The following SNRPN variants were observed in gnomAD, a reference collection of about 807,000 sequenced individuals.
SNRPN encodes small nuclear ribonucleoprotein-associated protein N.
Under a neutral mutation model 25.2 loss-of-function variants are expected in SNRPN, and 7 were observed. The ratio of observed to expected loss-of-function variants is 0.28; its 90% CI spans 0.16 to 0.52. The LOEUF (loss-of-function observed/expected upper bound fraction) is 0.52. Ranked by LOEUF, SNRPN falls within the 20% of genes least tolerant of loss-of-function variation. The pLI is 0.96. For missense variants in SNRPN, 196 were observed against 322.5 expected, an observed-to-expected ratio of 0.61 and a Z score of 3.00; for synonymous variants, 124 against 110.6, an observed-to-expected ratio of 1.12 and a Z score of -0.76.
chr15:24,913,473 C>T (rs750416860), intron 2 of SNRPN, among the ~76,000 whole-genome samples: 4 of 151,804 alleles, frequency 2.6e-5, no homozygotes, highest in Non-Finnish European at 5.9e-5. Flanking sequence ...TGAAAGACCA[C>T]CTCTACTAAA....
At chr15:24,923,923 ATTTTTTTT>A (rs34575205) in intron 3 of SNRPN, among the ~76,000 whole-genome samples, 21 of 89,910 alleles carry the variant, frequency 2.3e-4, no homozygotes, top group African/African-American at 7.9e-4. Flanking sequence ...GTATATAAAC[ATTTTTTTT>A]TTTTTTTTTT....
chr15:24,826,747 C>T (rs779022552), intron 1 of SNRPN, among the ~76,000 whole-genome samples: 6 of 151,980 alleles, frequency 3.9e-5, no homozygotes, highest in Admixed American at 1.3e-4. Flanking sequence ...TCTGTGTCAA[C>T]AAATCAAATA....
chr15:24,940,748 CTG>C lies in SNRPN; in HGVS notation c.-391+20642_-391+20643del, dbSNP rs148306200. On this transcript the variant is annotated intron_variant, in intron 3 of 11. Coordinates refer to the SNRPN transcript ENST00000400097. ...GTCAGCAAATTTTCCTCTAAAGGAGCTGTGTGTGTGTGTGTGTGTTTGTGTGT... is the reference window on the plus strand; with the variant it reads ...GTCAGCAAATTTTCCTCTAAAGGAGCTGTGTGTGTGTGTGTGTTTGTGTGT... Among the ~76,000 whole-genome samples the C allele has an allele frequency of 4.3e-3, 641 of 149,476 alleles. 4 individuals are homozygous for C. The highest frequency in any genetic ancestry group is 0.014 in the African/African-American group (572 of 40,948).
chr15:24,918,937 A>G lies in SNRPN; in HGVS notation c.-504-1074A>G, dbSNP rs1025842961. On this transcript the variant is annotated intron_variant, in intron 2 of 11. Transcript: ENST00000400097. ...TATATAACATAATATATATATGCGCACATATATATAACATAATATATATGC... is the reference window on the plus strand; with the variant it reads ...TATATAACATAATATATATATGCGCGCATATATATAACATAATATATATGC... 4.1e-3 allele frequency among the ~76,000 whole-genome samples: 190 copies of G among 45,918 alleles called. 81 individuals carry two copies. Among genetic ancestry groups the G allele is most frequent in the Non-Finnish European group, 6.5e-3 (154 of 23,586 alleles). 30.1% of individuals were successfully genotyped at this position (45,918 alleles called of 152,430 possible). A position where few individuals can be genotyped will look rare whatever the true frequency, so the allele number is the denominator to read the frequency against.
At chr15:24,848,364 C>T (rs1595443007) in intron 2 of SNRPN, 1 of 152,410 alleles carries the variant, frequency 6.6e-6, no homozygotes, top group Non-Finnish European at 1.5e-5. Context: ...CGGATCTCTT[C>T]CGGTTATGGC....
chr15:24,963,586 G>T (rs555188070), intron 2 of SNRPN, among the ~76,000 whole-genome samples: 3 of 150,680 alleles, frequency 2.0e-5, no homozygotes, highest in African/African-American at 7.3e-5. Flanking sequence ...CTGCACTCTA[G>T]CCTGGGTGAC....
chr15:24,828,581 A>G (rs1382510341), intron 1 of SNRPN, among the ~76,000 whole-genome samples: 2 of 152,144 alleles, frequency 1.3e-5, no homozygotes, highest in East Asian at 3.8e-4. Flanking sequence ...AAGAAAAATA[A>G]ACATACGCTA....
intron 2 of SNRPN, among the ~76,000 whole-genome samples, chr15:24,833,919 G>C (rs759042382): frequency 6.6e-6 from 1 of 151,962 alleles, no homozygotes; most frequent in Non-Finnish European, 1.5e-5. Context: ...CAAGACCATT[G>C]CATTTCTTTA....
chr15:24,880,030 C>T (rs992686803), intron 1 of SNRPN, among the ~76,000 whole-genome samples: 1 of 152,124 alleles, frequency 6.6e-6, no homozygotes, highest in South Asian at 2.1e-4. Flanking sequence ...CAGTAATTTT[C>T]GTTTCCTTAT....
upstream of SNRPN, among the ~76,000 whole-genome samples, chr15:24,855,198 ATAATT>A (rs2053275980): frequency 6.6e-6 from 1 of 152,212 alleles, no homozygotes; most frequent in Non-Finnish European, 1.5e-5. Context: ...ATTGATGTGA[ATAATT>A]TATTTTGCAA....
intron 2 of SNRPN, chr15:24,909,276 A>G (rs2059057722): frequency 6.2e-7 from 1 of 1,600,942 alleles, no homozygotes. Context: ...TCAGAACCAT[A>G]ACCAGGGAAT....
chr15:24,857,422 T>A (rs906550734), intron 1 of SNRPN, among the ~76,000 whole-genome samples: 7 of 152,206 alleles, frequency 4.6e-5, no homozygotes, highest in Non-Finnish European at 5.9e-5. Flanking sequence ...GGGTTTTTTT[T>A]ATGTTTTCAG....
chr15:24,939,308 T>G (rs987740506), intron 3 of SNRPN, among the ~76,000 whole-genome samples: 12 of 152,184 alleles, frequency 7.9e-5, no homozygotes, highest in Admixed American at 1.3e-4. Flanking sequence ...ACTGTGATTT[T>G]GATTTTGATT....
chr15:24,826,126 T>C (rs536915944), intron 1 of SNRPN, among the ~76,000 whole-genome samples: 1 of 152,206 alleles, frequency 6.6e-6, no homozygotes, highest in Non-Finnish European at 1.5e-5. Flanking sequence ...AAATGTCTTC[T>C]CGATGTGTCC....
intron 2 of SNRPN, among the ~76,000 whole-genome samples, chr15:24,835,245 T>C (rs1472819134): frequency 6.6e-6 from 1 of 150,518 alleles, no homozygotes; most frequent in Non-Finnish European, 1.5e-5. Context: ...AAGTAACATA[T>C]ATAGGCATGC....
chr15:24,954,021 A>G (rs1279541019), upstream of SNRPN, among the ~76,000 whole-genome samples: 1 of 152,160 alleles, frequency 6.6e-6, no homozygotes, highest in Non-Finnish European at 1.5e-5. Flanking sequence ...CTTCTTCGAT[A>G]ATGGGCAATT....
intron 1 of SNRPN, among the ~76,000 whole-genome samples, chr15:24,868,755 G>A (rs2054824044): frequency 6.6e-6 from 1 of 152,130 alleles, no homozygotes; most frequent in South Asian, 2.1e-4. Context: ...TTAGTCTCAT[G>A]GGTCTCATTA....
chr15:24,968,027 G>A lies in SNRPN; in HGVS notation c.-199G>A, dbSNP rs1413637504. Reference sequence around the variant, plus strand: ...CAGGCATTCTTAGCTGAGACACCAAGAGGTGGTTAAAGCCATATTGGAGTA... The same window carrying A: ...CAGGCATTCTTAGCTGAGACACCAAAAGGTGGTTAAAGCCATATTGGAGTA... On this transcript the variant is annotated 5_prime_UTR_variant, in exon 3 of 10. Transcript: ENST00000390687. The A allele has an allele frequency of 6.2e-7, 1 of 1,614,102 alleles. No individual in the cohort carries two copies. Among genetic ancestry groups the A allele is most frequent in the Non-Finnish European group, 8.5e-7 (1 of 1,180,000 alleles).
chr15:24,906,384 T>C (rs1406403566), intron 2 of SNRPN, among the ~76,000 whole-genome samples: 1 of 152,164 alleles, frequency 6.6e-6, no homozygotes, highest in Non-Finnish European at 1.5e-5. Flanking sequence ...TCACCCACCT[T>C]GACCTCCCAA....
Sources: allele counts gnomAD v4.1 joint callset (sites outside exome capture counted in the v4.1 genomes callset), GRCh38; gene constraint gnomAD v4.1.1; transcripts MANE v1.5; gene names NCBI Gene and HGNC (gene_info 2026-07-23, HGNC 2026-07-21).